Variants in PTPRD observed in about 807,000 individuals in gnomAD.
PTPRD encodes the protein receptor-type tyrosine-protein phosphatase delta.
Under a neutral mutation model 214.5 loss-of-function variants are expected in PTPRD, and 34 were observed. That is an observed-to-expected ratio of 0.16 (90% CI 0.12 to 0.21). The LOEUF is 0.21. Among genes scored for constraint, PTPRD ranks in the 10% least tolerant of loss-of-function variants. The pLI is 1.00. For synonymous variants in PTPRD, 1,128 were observed against 845.7 expected, an observed-to-expected ratio of 1.33 and a Z score of -5.79; for missense variants, 2,545 against 2,398.7, an observed-to-expected ratio of 1.06 and a Z score of -1.27.
chr9:9,916,094 CAAAA>C (rs201403712), intron 5 of PTPRD, among the ~76,000 whole-genome samples: 326 of 142,186 alleles, frequency 2.3e-3, no homozygotes, highest in Middle Eastern at 3.7e-3. Flanking sequence ...AAAAAAAAAA[CAAAA>C]AACTGTCAGC....
At chr9:10,492,201 A>G (rs1391732656) in intron 2 of PTPRD, among the ~76,000 whole-genome samples, 3 of 152,090 alleles carry the variant, frequency 2.0e-5, no homozygotes, top group Non-Finnish European at 4.4e-5. Context: ...ATAGTAGAAT[A>G]ATTTATAATC....
At chr9:9,248,033 G>C (rs761484942) in intron 9 of PTPRD, among the ~76,000 whole-genome samples, 1 of 151,964 alleles carries the variant, frequency 6.6e-6, no homozygotes, top group South Asian at 2.1e-4. Flanking sequence ...TGTAGGTATT[G>C]AGTAACGTGT....
rs143664666 is a variant in PTPRD at position 9,952,397 on chromosome 9, A to G, written c.-471-13787T>C. On this transcript the variant is annotated intron_variant, in intron 4 of 45. Transcript: ENST00000381196. ...CTTGACCACAGGCATTTTTGGCAAC[A>G]ACCGGGAAATGGTGTTCCTGGGGCA... Among the ~76,000 whole-genome samples the G allele has an allele frequency of 9.8e-4, 150 of 152,292 alleles. 2 individuals carry two copies. In the South Asian group the frequency reaches 0.03, roughly 31 times the overall value.
intron 10 of PTPRD, among the ~76,000 whole-genome samples, chr9:9,091,871 G>T (rs1249152730): frequency 6.6e-6 from 1 of 152,174 alleles, no homozygotes; most frequent in Non-Finnish European, 1.5e-5. Flanking sequence ...ATTGGGTTTT[G>T]TGTTGAGTGT....
At chr9:10,365,658 G>A (rs949136870) in intron 2 of PTPRD, among the ~76,000 whole-genome samples, 1 of 152,074 alleles carries the variant, frequency 6.6e-6, no homozygotes, top group African/African-American at 2.4e-5. Context: ...CATAAGAGGA[G>A]CTCAGTCAAC....
chr9:10,600,102 T>C (rs115810046), intron 2 of PTPRD, among the ~76,000 whole-genome samples: 1,946 of 151,896 alleles, frequency 0.013, 33 homozygotes, highest in African/African-American at 0.043. Context: ...TACTTTATTT[T>C]ACCACATAGT....
At chr9:10,540,810 G>C (rs1182353356) in intron 2 of PTPRD, among the ~76,000 whole-genome samples, 2 of 151,896 alleles carry the variant, frequency 1.3e-5, no homozygotes, top group Non-Finnish European at 2.9e-5. Context: ...ACTCAGACTA[G>C]AACTTAATGG....
chr9:8,863,180 A>G (rs1233074064), intron 11 of PTPRD, among the ~76,000 whole-genome samples: 3 of 152,212 alleles, frequency 2.0e-5, no homozygotes, highest in Non-Finnish European at 4.4e-5. Context: ...TGCAGTGTGT[A>G]GAGGACGTTA....
chr9:8,380,938 T>C (rs2084871281), intron 37 of PTPRD, among the ~76,000 whole-genome samples: 1 of 152,188 alleles, frequency 6.6e-6, no homozygotes, highest in African/African-American at 2.4e-5. Context: ...AATAAAGACT[T>C]ACTGAGCATG....
At chr9:10,251,475 T>G (rs899876690) in intron 3 of PTPRD, among the ~76,000 whole-genome samples, 3 of 152,090 alleles carry the variant, frequency 2.0e-5, no homozygotes, top group African/African-American at 7.2e-5. Context: ...GTATCTTCAT[T>G]TCGAGTTATG....
chr9:9,014,303 A>T (rs552666519), intron 11 of PTPRD, among the ~76,000 whole-genome samples: 13 of 152,014 alleles, frequency 8.6e-5, no homozygotes, highest in Non-Finnish European at 1.3e-4. Flanking sequence ...TCTGAACAGA[A>T]ATGTGCTTAT....
At chr9:8,901,352 A>G (rs2098667497) in intron 11 of PTPRD, among the ~76,000 whole-genome samples, 1 of 152,216 alleles carries the variant, frequency 6.6e-6, no homozygotes, top group Non-Finnish European at 1.5e-5. Flanking sequence ...TTCCTCAATT[A>G]TGACAGTGAA....
At chr9:9,467,610 A>AAAAAAAAAAAAAAAAAAAAAT (rs71319223) in intron 8 of PTPRD, among the ~76,000 whole-genome samples, 1 of 145,464 alleles carries the variant, frequency 6.9e-6, no homozygotes, top group Non-Finnish European at 1.5e-5. Flanking sequence ...AAAAAAAAAA[A>AAAAAAAAAAAAAAAAAAAAAT]GTTGAGCAGA....
intron 5 of PTPRD, among the ~76,000 whole-genome samples, chr9:9,855,592 G>A (rs1055961651): frequency 6.6e-6 from 1 of 152,172 alleles, no homozygotes; most frequent in Non-Finnish European, 1.5e-5. Context: ...CAATTTGACG[G>A]AGGGAGCGCA....
chr9:8,414,180 G>T (rs1237132119), intron 35 of PTPRD, among the ~76,000 whole-genome samples: 1 of 151,790 alleles, frequency 6.6e-6, no homozygotes, highest in Non-Finnish European at 1.5e-5. Context: ...ATATATATTG[G>T]AATAGACCAG....
chr9:9,661,162 G>T (rs2096615195), intron 7 of PTPRD, among the ~76,000 whole-genome samples: 1 of 151,694 alleles, frequency 6.6e-6, no homozygotes, highest in South Asian at 2.1e-4. Context: ...CCAATGAGAG[G>T]CTATGCAAAT....
At chr9:8,552,787 T>C (rs1187005586) in intron 14 of PTPRD, among the ~76,000 whole-genome samples, 2 of 152,224 alleles carry the variant, frequency 1.3e-5, no homozygotes, top group East Asian at 1.9e-4. Flanking sequence ...GAGTTGGCTA[T>C]ATGACTTGCT....
At chr9:9,793,043 G>T (rs1264748827) in intron 5 of PTPRD, among the ~76,000 whole-genome samples, 1 of 152,056 alleles carries the variant, frequency 6.6e-6, no homozygotes, top group Admixed American at 6.6e-5. Context: ...AAATGACCTT[G>T]TAACTTCTGG....
At chr9:9,818,273 A>G (rs2049429822) in intron 5 of PTPRD, among the ~76,000 whole-genome samples, 1 of 152,258 alleles carries the variant, frequency 6.6e-6, no homozygotes, top group South Asian at 2.1e-4. Flanking sequence ...CCCCTAGACA[A>G]TATTACATAG....
Sources: gnomAD v4.1 joint callset for allele counts (sites outside exome capture counted in the v4.1 genomes callset) on GRCh38, gnomAD v4.1.1 for gene constraint, MANE v1.5 for transcripts, NCBI Gene and HGNC (gene_info 2026-07-23, HGNC 2026-07-21) for gene names.